The following CDH12 variants were observed in gnomAD, a reference collection of about 807,000 sequenced individuals.
CDH12 encodes the protein cadherin 12.
CDH12 carries 41 observed loss-of-function variants against 74.1 expected under a neutral mutation model. The ratio of observed to expected loss-of-function variants is 0.55; its 90% CI spans 0.43 to 0.72. The LOEUF (loss-of-function observed/expected upper bound fraction) is 0.72, where lower values mean the gene tolerates loss of function less well. Among genes scored for constraint, CDH12 ranks in the 30% least tolerant of loss-of-function variants. CDH12 has a pLI of 0.00. For synonymous variants in CDH12, 399 were observed against 355.0 expected, an observed-to-expected ratio of 1.12 and a Z score of -1.39; for missense variants, 945 against 977.2, an observed-to-expected ratio of 0.97 and a Z score of 0.44.
intron 9 of CDH12, among the ~76,000 whole-genome samples, chr5:21,815,809 A>G (rs1175039988): frequency 1.3e-5 from 2 of 152,176 alleles, no homozygotes; most frequent in Non-Finnish European, 2.9e-5. Flanking sequence ...TCTTCAGAAG[A>G]ACCATAAAAA....
chr5:22,686,234 G>A (rs1741791349), intron 1 of CDH12, among the ~76,000 whole-genome samples: 1 of 151,494 alleles, frequency 6.6e-6, no homozygotes, highest in African/African-American at 2.4e-5. Context: ...TCAATTTTTT[G>A]TCTTATTTCT....
intron 6 of CDH12, among the ~76,000 whole-genome samples, chr5:21,877,291 C>G (rs890838461): frequency 6.6e-6 from 1 of 152,122 alleles, no homozygotes; most frequent in Non-Finnish European, 1.5e-5. Context: ...CTCAATAGCT[C>G]CACTTCTAGA....
chr5:21,847,699 C>T (rs1750249974), intron 7 of CDH12, among the ~76,000 whole-genome samples: 1 of 152,106 alleles, frequency 6.6e-6, no homozygotes, highest in Non-Finnish European at 1.5e-5. Flanking sequence ...CTTAATTCTT[C>T]TTTGCCATGT....
chr5:21,751,054 A>G lies in CDH12; in HGVS notation c.*683T>C, dbSNP rs1744017954. The G allele has an allele frequency of 6.6e-6, 1 of 152,460 alleles. No homozygotes were observed. Among genetic ancestry groups the G allele is most frequent in the African/African-American group, 2.4e-5 (1 of 41,412 alleles). 9.4% of individuals were successfully genotyped at this position (152,460 alleles called of 1,614,324 possible). A position where few individuals can be genotyped will look rare whatever the true frequency, so the allele number is the denominator to read the frequency against. ...ATTGTTTCTAGAATTTGGGACTTAC[A>G]TATTGAACTTGATATTTTCATATTT... On this transcript the variant is annotated 3_prime_UTR_variant, in exon 15 of 15. Coordinates refer to ENST00000382254, the MANE Select transcript of CDH12 (RefSeq NM_004061.5).
At position 21,751,763 on chromosome 5, in the gene CDH12, T is replaced by A. The variant is rs142721168; in HGVS notation, c.2359A>T (p.Ser787Cys). 2.6e-4 allele frequency: 423 copies of A among 1,613,872 alleles called. No homozygotes were observed. The highest frequency in any genetic ancestry group is 4.5e-4 in the Admixed American group (27 of 59,988). ...TAAGTGACTTTATCAGGGTTATAAC[T>A]CTCTTCTTCGCCAAACATGTCTGCC... is the stretch of plus-strand genomic sequence containing the variant. ...VLADMFGEEE[S>C]YNPDKVT Residue 787 changes from serine to cysteine, a missense_variant, in exon 15 of 15, where the codon AGT becomes TGT. Coordinates refer to ENST00000382254, the MANE Select transcript of CDH12 (RefSeq NM_004061.5).
chr5:21,755,870 T>C lies in CDH12; in HGVS notation c.1634-28A>G, dbSNP rs1436789259. Reference sequence around the variant, plus strand: ...ACAAAACATGACATTTATGGTAACATGGTTACTATAAGCTTCACTTCAAAT... The same window carrying C: ...ACAAAACATGACATTTATGGTAACACGGTTACTATAAGCTTCACTTCAAAT... On this transcript the variant is annotated intron_variant, in intron 13 of 14. Coordinates refer to ENST00000382254, the MANE Select transcript of CDH12 (RefSeq NM_004061.5). 5 of 1,609,506 alleles carry C rather than the reference T, an allele frequency of 3.1e-6. No individual in the cohort carries two copies. The East Asian group carries it at 6.7e-5, about 22-fold the overall frequency.
intron 4 of CDH12, among the ~76,000 whole-genome samples, chr5:22,121,690 G>C (rs1745521560): frequency 6.6e-6 from 1 of 151,904 alleles, no homozygotes; most frequent in Non-Finnish European, 1.5e-5. Flanking sequence ...ACATATTTTT[G>C]TGTATTCCTT....
intron 6 of CDH12, among the ~76,000 whole-genome samples, chr5:21,913,630 A>C (rs912294432): frequency 6.6e-6 from 1 of 152,120 alleles, no homozygotes; most frequent in Non-Finnish European, 1.5e-5. Flanking sequence ...ACATATATTA[A>C]TCAGAAGACT....
At chr5:22,304,516 C>T (rs530347474) in intron 3 of CDH12, among the ~76,000 whole-genome samples, 4 of 152,242 alleles carry the variant, frequency 2.6e-5, no homozygotes, top group South Asian at 4.1e-4. Context: ...AAGGCACAAA[C>T]GAGCTAAATT....
intron 6 of CDH12, among the ~76,000 whole-genome samples, chr5:21,880,240 G>A (rs189979763): frequency 6.6e-6 from 1 of 152,318 alleles, no homozygotes; most frequent in Admixed American, 6.5e-5. Flanking sequence ...CTCAAACAAA[G>A]TTATATTTCC....
chr5:22,729,523 T>C (rs192894399), intron 1 of CDH12, among the ~76,000 whole-genome samples: 2 of 151,992 alleles, frequency 1.3e-5, no homozygotes, highest in East Asian at 3.9e-4. Context: ...TATGATAGCA[T>C]ACTTGCCAGC....
chr5:22,603,715 C>A (rs554623863), intron 1 of CDH12, among the ~76,000 whole-genome samples: 1 of 151,834 alleles, frequency 6.6e-6, no homozygotes, highest in Non-Finnish European at 1.5e-5. Flanking sequence ...TTGTGGTTTA[C>A]GACAGGACTT....
At chr5:22,452,880 C>CAAAAAAAAAAAAAAAAAAAAAAAAAAAA (rs768945480) in intron 2 of CDH12, among the ~76,000 whole-genome samples, 2 of 32,200 alleles carry the variant, frequency 6.2e-5, no homozygotes, top group African/African-American at 1.5e-4. Context: ...AACCTAAGAG[C>CAAAAAAAAAAAAAAAAAAAAAAAAAAAA]AAAAAAAAAA....
chr5:21,801,952 C>T (rs1747134351), intron 10 of CDH12, among the ~76,000 whole-genome samples: 1 of 152,098 alleles, frequency 6.6e-6, no homozygotes, highest in South Asian at 2.1e-4. Flanking sequence ...GGTTATAACA[C>T]CACTAGTAAA....
intron 4 of CDH12, among the ~76,000 whole-genome samples, chr5:22,151,642 T>C (rs1472260906): frequency 1.3e-5 from 2 of 152,154 alleles, no homozygotes; most frequent in Non-Finnish European, 1.5e-5. Flanking sequence ...TTTTCCTAAC[T>C]GCAAAGAAAA....
chr5:22,695,171 A>T (rs1201872384), intron 1 of CDH12, among the ~76,000 whole-genome samples: 1 of 152,148 alleles, frequency 6.6e-6, no homozygotes, highest in Non-Finnish European at 1.5e-5. Context: ...ACATGAACTC[A>T]TTCTTTTTTA....
intron 1 of CDH12, among the ~76,000 whole-genome samples, chr5:22,703,170 A>G (rs1487591828): frequency 6.6e-6 from 1 of 152,096 alleles, no homozygotes; most frequent in Non-Finnish European, 1.5e-5. Flanking sequence ...CTCAGTTGTT[A>G]AAAAAGCACC....
intron 1 of CDH12, among the ~76,000 whole-genome samples, chr5:22,828,390 T>C (rs1363147161): frequency 6.6e-6 from 1 of 152,198 alleles, no homozygotes. Context: ...AAAAATTTGA[T>C]AGGCATTACT....
At chr5:22,380,912 C>T (rs149878159) in intron 3 of CDH12, among the ~76,000 whole-genome samples, 2 of 152,124 alleles carry the variant, frequency 1.3e-5, no homozygotes, top group East Asian at 3.9e-4. Context: ...AAACATTAGG[C>T]AATTGGCTTT....
Sources: allele counts gnomAD v4.1 joint callset (sites outside exome capture counted in the v4.1 genomes callset), GRCh38; gene constraint gnomAD v4.1.1; transcripts MANE v1.5; gene names NCBI Gene and HGNC (gene_info 2026-07-23, HGNC 2026-07-21).